SENP7: variants seen among roughly 807,000 people sequenced by gnomAD.
SENP7 encodes the protein sentrin-specific protease 7.
A neutral mutation model predicts 141.2 loss-of-function variants in SENP7; 64 were observed. The observed-to-expected ratio is 0.45, with a 90% confidence interval of 0.37 to 0.56. The LOEUF is 0.56. SENP7 is among the 20% of genes least tolerant of loss of function. The pLI is 0.00. For missense variants in SENP7, 1,025 were observed against 1,212.2 expected (o/e 0.85, Z 2.29); for synonymous variants, 382 against 426.4 (o/e 0.90, Z 1.28).
At chr3:101,489,505 AC>A (rs199890067) in intron 3 of SENP7, among the ~76,000 whole-genome samples, 1 of 152,136 alleles carries the variant, frequency 6.6e-6, no homozygotes, top group South Asian at 2.1e-4. Context: ...AGCAGGAGCC[AC>A]TATTCTTATA....
intron 11 of SENP7, among the ~76,000 whole-genome samples, chr3:101,356,068 T>C (rs2059734598): frequency 6.6e-6 from 1 of 152,132 alleles, no homozygotes; most frequent in Non-Finnish European, 1.5e-5. Context: ...TGCATTTTAT[T>C]ACATAAAAGT....
chr3:101,349,407 A>G (rs1055881759), intron 12 of SENP7, among the ~76,000 whole-genome samples: 1 of 152,138 alleles, frequency 6.6e-6, no homozygotes, highest in African/African-American at 2.4e-5. Context: ...TGAAAGCTAA[A>G]TTTTCTTTAG....
chr3:101,331,502 A>T (rs369757027), intron 19 of SENP7, among the ~76,000 whole-genome samples: 2 of 151,274 alleles, frequency 1.3e-5, no homozygotes, highest in South Asian at 2.1e-4. Context: ...TGTACATAGT[A>T]AATACATGCA....
chr3:101,343,083 G>T (rs1448389796), intron 14 of SENP7, among the ~76,000 whole-genome samples: 1 of 152,156 alleles, frequency 6.6e-6, no homozygotes, highest in African/African-American at 2.4e-5. Context: ...AAGTGATGTG[G>T]TACTTCTCAG....
chr3:101,408,643 A>C (rs1242271582), intron 5 of SENP7, among the ~76,000 whole-genome samples: 1 of 152,214 alleles, frequency 6.6e-6, no homozygotes, highest in African/African-American at 2.4e-5. Context: ...TAAGTCAATA[A>C]ATGTGACACA....
intron 9 of SENP7, 100 bp downstream of exon 9, chr3:101,366,330 A>C: frequency 1.3e-6 from 1 of 797,250 alleles, no homozygotes; most frequent in Non-Finnish European, 1.9e-6. Flanking sequence ...TGATGTCATA[A>C]ACAGCTTATG....
At chr3:101,457,443 G>A (rs2063390405) in intron 4 of SENP7, 4 of 1,590,502 alleles carry the variant, frequency 2.5e-6, no homozygotes, top group Admixed American at 3.3e-5. Context: ...CAGCTGCTTT[G>A]TCTCGGCATG....
At chr3:101,500,449 TG>T (rs2065333979) in intron 2 of SENP7, among the ~76,000 whole-genome samples, 2 of 152,012 alleles carry the variant, frequency 1.3e-5, no homozygotes, top group African/African-American at 2.4e-5. Flanking sequence ...CCCAGCTACA[TG>T]GGAGGCTGAG....
intron 3 of SENP7, among the ~76,000 whole-genome samples, chr3:101,483,164 T>C (rs763647408): frequency 6.6e-6 from 1 of 152,146 alleles, no homozygotes; most frequent in African/African-American, 2.4e-5. Context: ...TGCAGCGCTA[T>C]TTACAATAGC....
intron 4 of SENP7, among the ~76,000 whole-genome samples, chr3:101,421,572 A>T (rs2061791951): frequency 1.3e-5 from 2 of 152,348 alleles, no homozygotes; most frequent in South Asian, 2.1e-4. Flanking sequence ...AGACCAAATA[A>T]GAATTTATAT....
rs978543866 is a variant in SENP7, at chr3:101,480,742, G to A, written c.186+13131C>T. 4.6e-5 allele frequency among the ~76,000 whole-genome samples: 7 copies of A among 152,114 alleles called. No homozygotes were observed. The Middle Eastern group carries it at 0.017, about 370-fold the overall frequency. ...TTTGCAAAATACTCATCTGATAAGG[G>A]ACTAATATCCAGAATACACAAGGAA... On this transcript the variant is annotated intron_variant, in intron 3 of 23. Transcript: ENST00000394095.
At chr3:101,374,968 T>C (rs9860228) in intron 6 of SENP7, among the ~76,000 whole-genome samples, 60,300 of 151,766 alleles carry the variant, frequency 0.4, 12,494 homozygotes, top group Admixed American at 0.54. Context: ...TGAAGAGATG[T>C]TTCTCCAAAG....
intron 1 of SENP7, among the ~76,000 whole-genome samples, chr3:101,506,931 C>T (rs190382619): frequency 4.3e-4 from 65 of 152,056 alleles, no homozygotes; most frequent in Middle Eastern, 3.4e-3. Context: ...CATGATAGTG[C>T]GGGCCTGTAG....
chr3:101,506,297 G>T (rs141950116), intron 1 of SENP7, among the ~76,000 whole-genome samples: 47 of 152,308 alleles, frequency 3.1e-4, no homozygotes, highest in African/African-American at 1.0e-3. Flanking sequence ...TGGGATTACA[G>T]GCATGGGCCA....
chr3:101,396,626 TTC>T (rs1423577525), intron 6 of SENP7, among the ~76,000 whole-genome samples: 2 of 152,194 alleles, frequency 1.3e-5, no homozygotes, highest in Non-Finnish European at 2.9e-5. Context: ...TCAAAATTAC[TTC>T]TCTGTTTACA....
At chr3:101,375,633 T>G (rs28883302) in intron 6 of SENP7, among the ~76,000 whole-genome samples, 59,945 of 150,386 alleles carry the variant, frequency 0.4, 12,441 homozygotes, top group Admixed American at 0.54. Flanking sequence ...CCCAAAGGAA[T>G]TGAAAGCAGG....
intron 4 of SENP7, among the ~76,000 whole-genome samples, chr3:101,431,709 G>A (rs62280725): frequency 0.14 from 20,886 of 151,556 alleles, 1,465 homozygotes; most frequent in South Asian, 0.18. Context: ...GCTTGAACCC[G>A]GGAGGCAGAG....
In SENP7 at chr3:101,352,156, G is replaced by A. The variant is rs116193003; in HGVS notation, c.1624-505C>T. On this transcript the variant is annotated intron_variant, in intron 11 of 23. Transcript: ENST00000394095. Reference sequence around the variant, plus strand: ...AATGAGAAATTAAAATTGTCAGAAGGCTTGTGTCCAACCTGATGTGAATAT... The same window carrying A: ...AATGAGAAATTAAAATTGTCAGAAGACTTGTGTCCAACCTGATGTGAATAT... Among the ~76,000 whole-genome samples the A allele has an allele frequency of 8.8e-3, 1,331 of 152,104 alleles. 24 individuals are homozygous for A. The highest frequency in any genetic ancestry group is 0.031 in the African/African-American group (1,279 of 41,542).
At chr3:101,359,845 T>C (rs1158546554) in intron 11 of SENP7, among the ~76,000 whole-genome samples, 3 of 152,058 alleles carry the variant, frequency 2.0e-5, no homozygotes, top group Non-Finnish European at 4.4e-5. Context: ...CTTTACTAAT[T>C]TGTTTGTGGT....
Sources: gnomAD v4.1 joint callset for allele counts (sites outside exome capture counted in the v4.1 genomes callset) on GRCh38, gnomAD v4.1.1 for gene constraint, MANE v1.5 for transcripts, NCBI Gene and HGNC (gene_info 2026-07-23, HGNC 2026-07-21) for gene names.